The following SP1 variants were observed in gnomAD, a reference collection of about 807,000 sequenced individuals.
The protein encoded by SP1 is Sp1 transcription factor, also known as transcription factor Sp1.
SP1 carries 6 observed loss-of-function variants against 66.3 expected under a neutral mutation model. The observed-to-expected ratio is 0.09, with a 90% CI of 0.05 to 0.18. The LOEUF (loss-of-function observed/expected upper bound fraction) is 0.18, where lower values mean the gene tolerates loss of function less well. Ranked by LOEUF, SP1 falls within the 10% of genes least tolerant of loss-of-function variation. The pLI, the probability that SP1 is intolerant of heterozygous loss-of-function variation, is 1.00. For synonymous variants in SP1, 417 were observed against 360.8 expected, an observed-to-expected ratio of 1.16 and a Z score of -1.77; for missense variants, 848 against 964.5, an observed-to-expected ratio of 0.88 and a Z score of 1.60.
At chr12:53,396,274 CAAA>C (rs551946313) in intron 3 of SP1, among the ~76,000 whole-genome samples, 3 of 102,040 alleles carry the variant, frequency 2.9e-5, no homozygotes, top group Admixed American at 1.0e-4. Context: ...GACTCCGTCT[CAAA>C]AAAAAAAAAA....
At chr12:53,386,181 C>T (rs949693977) in intron 3 of SP1, among the ~76,000 whole-genome samples, 5 of 152,012 alleles carry the variant, frequency 3.3e-5, no homozygotes, top group Non-Finnish European at 4.4e-5. Flanking sequence ...TATGAGCATC[C>T]TAGGTGATTC....
chr12:53,399,873 C>T (rs1404161617), intron 3 of SP1, among the ~76,000 whole-genome samples: 2 of 151,684 alleles, frequency 1.3e-5, no homozygotes, highest in African/African-American at 2.4e-5. Flanking sequence ...TCAGGTCATC[C>T]GCCCGCCTCG....
intron 3 of SP1, among the ~76,000 whole-genome samples, chr12:53,387,339 T>A (rs1361122174): frequency 1.3e-5 from 2 of 152,174 alleles, no homozygotes; most frequent in Admixed American, 1.3e-4. Flanking sequence ...GATTCTTACA[T>A]AAGTGAGGGT....
chr12:53,398,428 A>G (rs996522763), intron 3 of SP1, among the ~76,000 whole-genome samples: 11 of 152,208 alleles, frequency 7.2e-5, no homozygotes, highest in South Asian at 6.2e-4. Flanking sequence ...GATTACAGGC[A>G]TGCACCACCA....
At chr12:53,398,816 A>G (rs991504391) in intron 3 of SP1, among the ~76,000 whole-genome samples, 3 of 152,206 alleles carry the variant, frequency 2.0e-5, no homozygotes, top group South Asian at 4.1e-4. Flanking sequence ...TTATCTATAA[A>G]TAATATCGAT....
At chr12:53,402,757 G>A (rs1386909987) in intron 3 of SP1, among the ~76,000 whole-genome samples, 1 of 151,652 alleles carries the variant, frequency 6.6e-6, no homozygotes, top group African/African-American at 2.4e-5. Context: ...ATGAGGTCAG[G>A]AGTTGGAGAC....
At chr12:53,392,848 A>G (rs1404261253) in intron 3 of SP1, among the ~76,000 whole-genome samples, 2 of 145,446 alleles carry the variant, frequency 1.4e-5, no homozygotes, top group Non-Finnish European at 3.0e-5. Flanking sequence ...TTTTTGAGAT[A>G]AGGTCTCTCT....
In SP1 at chr12:53,411,497, A is replaced by C. The variant is rs1315782402; in HGVS notation, c.*257A>C. The C allele has an allele frequency of 7.7e-6, 3 of 390,888 alleles. No individual in the cohort carries two copies. Among genetic ancestry groups the C allele is most frequent in the South Asian group, 1.2e-4 (2 of 16,728 alleles). 24.2% of individuals were successfully genotyped at this position (390,888 alleles called of 1,614,324 possible). On this transcript the variant is annotated 3_prime_UTR_variant, in exon 6 of 6. Transcript: ENST00000327443. Reference sequence around the variant, plus strand: ...CTTTGATGAGCATTTGTTTGACCCCAGTTTCTTCTTACACTTCTTACCCCA... The same window carrying C: ...CTTTGATGAGCATTTGTTTGACCCCCGTTTCTTCTTACACTTCTTACCCCA...
intron 3 of SP1, among the ~76,000 whole-genome samples, chr12:53,389,769 G>A (rs1592559703): frequency 6.6e-6 from 1 of 151,986 alleles, no homozygotes; most frequent in Admixed American, 6.6e-5. Flanking sequence ...AACTCTTGCC[G>A]CAGGTTGACG....
At chr12:53,388,483 A>T (rs797005606) in intron 3 of SP1, among the ~76,000 whole-genome samples, 1 of 152,188 alleles carries the variant, frequency 6.6e-6, no homozygotes, top group African/African-American at 2.4e-5. Flanking sequence ...ATAATGAGGC[A>T]TTGACAGGCT....
At chr12:53,402,412 A>C (rs936796226) in intron 3 of SP1, among the ~76,000 whole-genome samples, 2 of 151,638 alleles carry the variant, frequency 1.3e-5, no homozygotes, top group East Asian at 2.0e-4. Context: ...TTAGTAGAGA[A>C]GGGGTTTCAC....
At chr12:53,393,803 G>A (rs1168162413) in intron 3 of SP1, among the ~76,000 whole-genome samples, 1 of 149,610 alleles carries the variant, frequency 6.7e-6, no homozygotes, top group Non-Finnish European at 1.5e-5. Context: ...TCATCATGTT[G>A]GCCAGGCTAG....
intron 1 of SP1, 183 bp from the exon 2 acceptor site, chr12:53,381,476 T>C (rs1938095863): frequency 6.2e-6 from 3 of 485,548 alleles, no homozygotes; most frequent in Non-Finnish European, 1.1e-5. Flanking sequence ...TTTGGCACAT[T>C]GAACCTAGTT....
rs1361659508 is a variant in SP1, at chr12:53,380,178, C to A, written c.-114C>A. 4.0e-6 allele frequency: 3 copies of A among 742,298 alleles called. No homozygotes were observed. Among genetic ancestry groups the A allele is most frequent in the African/African-American group, 1.7e-5 (1 of 57,388 alleles). The allele number at this position is 742,298 out of a possible 1,614,324, so 46.0% of individuals were successfully genotyped here. The stretch of plus-strand genomic sequence containing the variant: ...TGGCGCGCTGCTCCCTCCTCCTTAC[C>A]CCCCCCTCCCTGTCCGGTCCGGGTT... On this transcript the variant is annotated 5_prime_UTR_variant, in exon 1 of 6. Coordinates refer to ENST00000327443, the MANE Select transcript of SP1 (RefSeq NM_138473.3).
intron 3 of SP1, among the ~76,000 whole-genome samples, chr12:53,405,679 A>G (rs1404787321): frequency 2.7e-5 from 4 of 149,030 alleles, no homozygotes; most frequent in Non-Finnish European, 5.9e-5. Context: ...GAAAGGAAAG[A>G]AAAGAGAGAG....
chr12:53,381,731 G>T lies in SP1; in HGVS notation c.80G>T (p.Gly27Val), dbSNP rs750425034. ...AAAGGAGTTGGTGGCAATAATGGGG[G>T]CAATGGTAATGGTGGTGGTGCCTTT... ...IEKGVGGNNG[G>V]NGNGGGAFSQ... Residue 27 changes from glycine to valine, a missense_variant, in exon 2 of 6, where the codon GGC becomes GTC. By Grantham distance (109) the Gly-to-Val change is moderately radical (BLOSUM62 -3). This residue lies in a region of SP1 where 84 missense variants were observed against 73.9 expected (regional missense o/e 1.14). Coordinates refer to ENST00000327443, the MANE Select transcript of SP1 (RefSeq NM_138473.3). 1.2e-6 allele frequency: 2 copies of T among 1,614,124 alleles called. No individual in the cohort carries two copies. Among genetic ancestry groups the T allele is most frequent in the Non-Finnish European group, 1.7e-6 (2 of 1,179,972 alleles).
rs1592571298 is a variant in SP1 at position 53,406,481 on chromosome 12, G to A, written c.1676-104G>A. 3 of 936,602 alleles carry A rather than the reference G, an allele frequency of 3.2e-6. No homozygotes were observed. The East Asian group carries it at 7.3e-5, about 23-fold the overall frequency. The allele number at this position is 936,602 out of a possible 1,614,324, so 58.0% of individuals were successfully genotyped here. ...AAAACTTGTGATACTGTGAATGTAG[G>A]ATGTCAGTTCAAAAGAAATGATGTT... On this transcript the variant is annotated intron_variant, in intron 3 of 5. Transcript: ENST00000327443.
intron 3 of SP1, among the ~76,000 whole-genome samples, chr12:53,403,519 A>AT (rs34078240): frequency 0.013 from 1,809 of 143,270 alleles, 24 homozygotes; most frequent in African/African-American, 0.037. Context: ...TGCCCAGCTA[A>AT]TTTTTTTTTT....
At chr12:53,402,532 C>T (rs576196860) in intron 3 of SP1, among the ~76,000 whole-genome samples, 9 of 151,736 alleles carry the variant, frequency 5.9e-5, no homozygotes, top group Non-Finnish European at 1.0e-4. Context: ...TGGACTGCTC[C>T]GTAAAAGTGA....
Sources: gnomAD v4.1 joint callset for allele counts (sites outside exome capture counted in the v4.1 genomes callset) on GRCh38, gnomAD v4.1.1 for gene constraint, gnomAD v4.1.1 regional missense constraint, MANE v1.5 for transcripts, NCBI Gene and HGNC (gene_info 2026-07-23, HGNC 2026-07-21) for gene names.